LDLRAD4: variants seen among roughly 807,000 people sequenced by gnomAD.
The protein encoded by LDLRAD4 is low density lipoprotein receptor class A domain containing 4, also known as low-density lipoprotein receptor class A domain-containing protein 4.
In LDLRAD4, 5 loss-of-function variants were observed where a neutral mutation model predicts 17.0. That is an observed-to-expected ratio of 0.29 (90% CI 0.15 to 0.62). The LOEUF (loss-of-function observed/expected upper bound fraction) is 0.62. Among genes scored for constraint, LDLRAD4 ranks in the 20% least tolerant of loss-of-function variants. The pLI, the probability that LDLRAD4 is intolerant of heterozygous loss-of-function variation, is 0.84. For synonymous variants in LDLRAD4, 168 were observed against 171.8 expected, an observed-to-expected ratio of 0.98 and a Z score of 0.17; for missense variants, 340 against 424.7, an observed-to-expected ratio of 0.80 and a Z score of 1.75.
intron 4 of LDLRAD4, among the ~76,000 whole-genome samples, chr18:13,639,822 A>C (rs1348180081): frequency 6.6e-6 from 1 of 152,206 alleles, no homozygotes; most frequent in African/African-American, 2.4e-5. Flanking sequence ...ATGTAGTCAT[A>C]ATTTTTGTTA....
chr18:13,315,882 G>A (rs1039875316), intron 1 of LDLRAD4, among the ~76,000 whole-genome samples: 2 of 151,972 alleles, frequency 1.3e-5, no homozygotes, highest in African/African-American at 4.8e-5. Flanking sequence ...ATATAAATTG[G>A]ATAGCAGATT....
rs140132917 is a variant in LDLRAD4 at position 13,228,022 on chromosome 18, G to A, written c.-467+9034G>A. ...GGTGCAGACGGCAGAAGCTCAGCTG[G>A]TGATGCTGTGCCCCATCTCCCTGGG... On this transcript the variant is annotated intron_variant, in intron 1 of 5. Transcript: ENST00000399848. 1.8e-4 allele frequency among the ~76,000 whole-genome samples: 28 copies of A among 152,338 alleles called. No homozygotes were observed. The East Asian group carries it at 5.4e-3, about 29-fold the overall frequency.
intron 3 of LDLRAD4, among the ~76,000 whole-genome samples, chr18:13,590,541 C>T (rs904518404): frequency 6.6e-6 from 1 of 152,234 alleles, no homozygotes. Context: ...GCTGCAACCC[C>T]TCCTCTGTCC....
At chr18:13,268,794 A>G (rs1340816739) in intron 1 of LDLRAD4, among the ~76,000 whole-genome samples, 1 of 152,262 alleles carries the variant, frequency 6.6e-6, no homozygotes, top group Non-Finnish European at 1.5e-5. Flanking sequence ...GGCTTATAAC[A>G]AGGCCATTGT....
At chr18:13,517,405 A>G (rs749995355) in intron 3 of LDLRAD4, among the ~76,000 whole-genome samples, 2 of 152,228 alleles carry the variant, frequency 1.3e-5, no homozygotes, top group African/African-American at 2.4e-5. Flanking sequence ...TTTTCCCTCC[A>G]CAAGGTCCCG....
At chr18:13,259,312 C>T (rs1347012843) in intron 1 of LDLRAD4, among the ~76,000 whole-genome samples, 6 of 152,118 alleles carry the variant, frequency 3.9e-5, no homozygotes, top group Non-Finnish European at 8.8e-5. Context: ...GTCACTGGGA[C>T]TACAGACACA....
intron 3 of LDLRAD4, chr18:13,612,559 C>G: frequency 6.9e-7 from 1 of 1,442,348 alleles, no homozygotes; most frequent in Non-Finnish European, 9.1e-7. Context: ...CCCCCCCCTC[C>G]ACGCTCACAC....
intron 3 of LDLRAD4, among the ~76,000 whole-genome samples, chr18:13,524,788 T>C (rs1039502044): frequency 1.3e-5 from 2 of 152,190 alleles, no homozygotes; most frequent in African/African-American, 4.8e-5. Context: ...ATGGAAGCCT[T>C]GCGTTTTTCT....
chr18:13,376,775 C>A (rs1429443475), intron 1 of LDLRAD4, among the ~76,000 whole-genome samples: 1 of 152,208 alleles, frequency 6.6e-6, no homozygotes, highest in African/African-American at 2.4e-5. Flanking sequence ...ATACATGGTA[C>A]CTGTCTGTGG....
chr18:13,543,499 T>G (rs955421815), intron 3 of LDLRAD4: 2 of 152,264 alleles, frequency 1.3e-5, no homozygotes, highest in African/African-American at 2.4e-5. Flanking sequence ...TAAAAGGTTT[T>G]AGAATCCTGA....
intron 1 of LDLRAD4, among the ~76,000 whole-genome samples, chr18:13,369,817 C>T (rs761204899): frequency 3.3e-5 from 5 of 152,204 alleles, no homozygotes; most frequent in Non-Finnish European, 5.9e-5. Context: ...ATAAACTCCA[C>T]GTGGGCTTAC....
chr18:13,326,910 A>G (rs539916204), intron 1 of LDLRAD4, among the ~76,000 whole-genome samples: 1 of 152,228 alleles, frequency 6.6e-6, no homozygotes, highest in Non-Finnish European at 1.5e-5. Context: ...TTTCCTTTAC[A>G]TGGTTAAATG....
intron 2 of LDLRAD4, among the ~76,000 whole-genome samples, chr18:13,409,515 G>T (rs1450336964): frequency 2.0e-5 from 3 of 152,224 alleles, no homozygotes; most frequent in Admixed American, 2.0e-4. Context: ...TTAACCTATT[G>T]TATCTTATGT....
rs1243445607 is a variant in LDLRAD4 at position 13,398,805 on chromosome 18, C to T, written c.40+11043C>T. On this transcript the variant is annotated intron_variant, in intron 2 of 5. Transcript: ENST00000359446. This position sits in a 1 kb window ranked among gnomAD's most constrained non-coding sequence, Gnocchi z 4.8. ...CCAGGCCCTGCCAGTGACCAGCCCA[C>T]CCTCCCCGGGGGCACTATAGCAACC... Among the ~76,000 whole-genome samples, 6 of 152,200 alleles carry T rather than the reference C, an allele frequency of 3.9e-5. No homozygotes were observed. The highest frequency in any genetic ancestry group is 3.9e-4 in the Admixed American group (6 of 15,292).
chr18:13,310,276 G>T (rs1187717112), intron 1 of LDLRAD4, among the ~76,000 whole-genome samples: 1 of 151,882 alleles, frequency 6.6e-6, no homozygotes, highest in East Asian at 1.9e-4. Flanking sequence ...CTTGAGGCAG[G>T]AGGTCGATGC....
intron 1 of LDLRAD4, among the ~76,000 whole-genome samples, chr18:13,229,479 C>T (rs564391070): frequency 7.2e-4 from 109 of 152,290 alleles, no homozygotes; most frequent in African/African-American, 2.3e-3. Context: ...AGTGTGTACT[C>T]GTGAGACATC....
chr18:13,642,147 T>C lies in LDLRAD4; in HGVS notation c.337-1212T>C, dbSNP rs148977450. 1.7e-3 allele frequency: 1,703 copies of C among 985,436 alleles called. 23 individuals carry two copies. In the South Asian group the frequency reaches 0.021, roughly 12 times the overall value. The allele number at this position is 985,436 out of a possible 1,614,324, so 61.0% of individuals were successfully genotyped here. On this transcript the variant is annotated intron_variant, in intron 4 of 5. Transcript: ENST00000359446. ...ACCGCCGTATACGTTTGCCACTGAT[T>C]CCAGGATGTCCCCGAGTATCTTAGG...
chr18:13,649,980 G>C (rs2043176795), exon 6 of LDLRAD4: 1 of 398,064 alleles, frequency 2.5e-6, no homozygotes, highest in Admixed American at 4.4e-5. Context: ...TGCGAGGAAA[G>C]TCACAAATTT....
chr18:13,447,326 G>A lies in LDLRAD4; in HGVS notation c.181+8942G>A, dbSNP rs1245726654. 3.9e-5 allele frequency among the ~76,000 whole-genome samples: 6 copies of A among 152,160 alleles called. No homozygotes were observed. The South Asian group carries it at 8.3e-4, about 21-fold the overall frequency. ...TCTGTGGGATGAGCCCCAGGGAGGC[G>A]CTGGCAGCCTCACACCCTCCCCTCC... On this transcript the variant is annotated intron_variant, in intron 3 of 5. Coordinates refer to ENST00000359446, the Ensembl canonical transcript of LDLRAD4.
Sources: allele counts gnomAD v4.1 joint callset (sites outside exome capture counted in the v4.1 genomes callset), GRCh38; gene constraint gnomAD v4.1.1; non-coding constraint Gnocchi (gnomAD v3.1); transcripts MANE v1.5; gene names NCBI Gene and HGNC (gene_info 2026-07-23, HGNC 2026-07-21).